The following CYB5R4 variants were observed in gnomAD, a reference collection of about 807,000 sequenced individuals.
The protein encoded by CYB5R4 is cytochrome b5 reductase 4.
Under a neutral mutation model 70.2 loss-of-function variants are expected in CYB5R4, and 55 were observed. That is an observed-to-expected ratio of 0.78 (90% CI 0.63 to 0.98). The LOEUF is 0.98. Among genes scored for constraint, CYB5R4 ranks in the 50% least tolerant of loss-of-function variants. The pLI is 0.00. For synonymous variants in CYB5R4, 197 were observed against 199.5 expected, an observed-to-expected ratio of 0.99 and a Z score of 0.11; for missense variants, 562 against 612.6, an observed-to-expected ratio of 0.92 and a Z score of 0.87.
At chr6:83,940,854 T>G (rs1348213613) in intron 14 of CYB5R4, among the ~76,000 whole-genome samples, 1 of 152,160 alleles carries the variant, frequency 6.6e-6, no homozygotes, top group African/African-American at 2.4e-5. Context: ...TGTTATGTGA[T>G]TTATACTGAG....
chr6:83,874,929 TCTC>T (rs1340869220), intron 2 of CYB5R4, among the ~76,000 whole-genome samples: 3 of 152,082 alleles, frequency 2.0e-5, no homozygotes, highest in Admixed American at 1.3e-4. Context: ...TTCAAACAAT[TCTC>T]CTGCCTCAGC....
intron 4 of CYB5R4, chr6:83,910,034 C>T (rs749582042): frequency 6.2e-6 from 10 of 1,611,840 alleles, no homozygotes; most frequent in Middle Eastern, 1.7e-4. Context: ...TAAGCTGGTA[C>T]GCATGCATTG....
intron 12 of CYB5R4, among the ~76,000 whole-genome samples, chr6:83,939,650 G>A (rs1211690104): frequency 1.3e-5 from 2 of 152,090 alleles, no homozygotes; most frequent in Non-Finnish European, 2.9e-5. Context: ...TCTTTACTCT[G>A]TACCAGGTAA....
intron 2 of CYB5R4, among the ~76,000 whole-genome samples, chr6:83,873,231 CCTT>C (rs1234619231): frequency 1.8e-3 from 260 of 147,338 alleles, no homozygotes; most frequent in Non-Finnish European, 2.7e-3. Flanking sequence ...TATAGGGTAT[CCTT>C]CTTTTTTTTT....
Position 83,943,174 on chromosome 6 carries a change from C to G in CYB5R4, c.1346+2573C>G, listed in dbSNP as rs890094321. Among the ~76,000 whole-genome samples, 3 of 152,248 alleles carry G rather than the reference C, an allele frequency of 2.0e-5. No individual in the cohort carries two copies. The East Asian group carries it at 5.8e-4, about 29-fold the overall frequency. On this transcript the variant is annotated intron_variant, in intron 14 of 15. Transcript: ENST00000369681. ...ACCTGAGCCTCCTGACGGGGAGACA[C>G]CCCCCAGCAGGGGTCAACAGACACC...
rs1294652635 is a variant in CYB5R4, at chr6:83,960,541, C to G, written c.*663C>G. 6.6e-6 allele frequency: 1 copy of G among 152,148 alleles called. No individual in the cohort carries two copies. Among genetic ancestry groups the G allele is most frequent in the East Asian group, 1.9e-4 (1 of 5,200 alleles). The allele number at this position is 152,148 out of a possible 1,614,324, so 9.4% of individuals were successfully genotyped here. On this transcript the variant is annotated 3_prime_UTR_variant, in exon 16 of 16. Transcript: ENST00000369681. ...GACATGACACACATGCGCCTTTGGA[C>G]TAGGTGTGTTAACAGAGCTTGAGAG...
At chr6:83,951,311 G>T (rs2099471481) in intron 14 of CYB5R4, among the ~76,000 whole-genome samples, 1 of 152,160 alleles carries the variant, frequency 6.6e-6, no homozygotes, top group South Asian at 2.1e-4. Flanking sequence ...TATACTTTAA[G>T]TTCTGGGATA....
At chr6:83,864,420 ATTGACAAT>A in intron 2 of CYB5R4, 92 bp downstream of exon 2, 2 of 1,206,430 alleles carry the variant, frequency 1.7e-6, no homozygotes, top group Non-Finnish European at 2.3e-6. Context: ...ATTTTAAACA[ATTGACAAT>A]TTAACAAAAA....
At chr6:83,958,208 T>G (rs2099472737) in intron 15 of CYB5R4, among the ~76,000 whole-genome samples, 1 of 152,204 alleles carries the variant, frequency 6.6e-6, no homozygotes, top group Non-Finnish European at 1.5e-5. Flanking sequence ...CAATAATGGT[T>G]CTTTATCCAT....
At chr6:83,884,752 T>C (rs2099459989) in intron 2 of CYB5R4, among the ~76,000 whole-genome samples, 1 of 152,168 alleles carries the variant, frequency 6.6e-6, no homozygotes, top group Non-Finnish European at 1.5e-5. Context: ...TCGTTTATTT[T>C]ATAGACAGGA....
In CYB5R4 at chr6:83,910,027, G is replaced by A. The variant is rs2099464434; in HGVS notation, c.412+937G>A. 4.3e-6 allele frequency: 7 copies of A among 1,611,434 alleles called. No individual in the cohort carries two copies. In the Admixed American group the frequency reaches 6.7e-5, roughly 15 times the overall value. ...GGTATTAGTGGCACATACATGTTAA[G>A]CTGGTACGCATGCATTGGACAGCTC... On this transcript the variant is annotated intron_variant, in intron 4 of 15. Transcript: ENST00000369681.
chr6:83,897,641 G>C (rs555689525), intron 3 of CYB5R4, among the ~76,000 whole-genome samples: 1 of 152,280 alleles, frequency 6.6e-6, no homozygotes, highest in African/African-American at 2.4e-5. Flanking sequence ...TTTCTCTGAT[G>C]GCCAGTGATG....
In CYB5R4 at chr6:83,961,356, G is replaced by A. The variant is rs1438668864; in HGVS notation, c.*1478G>A. 1.3e-5 allele frequency: 2 copies of A among 151,774 alleles called. No individual in the cohort carries two copies. The highest frequency in any genetic ancestry group is 2.9e-5 in the Non-Finnish European group (2 of 67,990). 9.4% of individuals were successfully genotyped at this position (151,774 alleles called of 1,614,324 possible). Reference sequence around the variant, plus strand: ...TCTAAGGGTGAGGTGATTTGGCTCTGTGTCCTCACCCAAATCTCCTCTCAA... The same window carrying A: ...TCTAAGGGTGAGGTGATTTGGCTCTATGTCCTCACCCAAATCTCCTCTCAA... On this transcript the variant is annotated 3_prime_UTR_variant, in exon 16 of 16. Transcript: ENST00000369681.
chr6:83,940,019 T>G (rs749126967), intron 12 of CYB5R4, 37 bp from the exon 13 acceptor site: 6 of 1,461,024 alleles, frequency 4.1e-6, no homozygotes, highest in Non-Finnish European at 5.5e-6. Context: ...TTTTTTGTTT[T>G]TTTTTTTTCT....
intron 4 of CYB5R4, among the ~76,000 whole-genome samples, chr6:83,911,801 T>C (rs149085805): frequency 1.1e-3 from 163 of 152,090 alleles, no homozygotes; most frequent in African/African-American, 3.8e-3. Context: ...CCCAGCACTT[T>C]GGGATGCCAA....
intron 2 of CYB5R4, among the ~76,000 whole-genome samples, chr6:83,880,332 G>A (rs2099459247): frequency 6.6e-6 from 1 of 152,140 alleles, no homozygotes; most frequent in South Asian, 2.1e-4. Flanking sequence ...AGCCAAGAGC[G>A]GAAGGACTCA....
chr6:83,928,501 A>G (rs1218514822), intron 10 of CYB5R4, among the ~76,000 whole-genome samples: 1 of 147,812 alleles, frequency 6.8e-6, no homozygotes, highest in Non-Finnish European at 1.5e-5. Flanking sequence ...TGGCTTTCAG[A>G]AAAAAAAAAC....
At chr6:83,866,557 G>A (rs752085578) in intron 2 of CYB5R4, among the ~76,000 whole-genome samples, 35 of 151,646 alleles carry the variant, frequency 2.3e-4, no homozygotes, top group Non-Finnish European at 4.6e-4. Flanking sequence ...CATATCCTCT[G>A]TAATGATTTG....
At chr6:83,891,198 C>T (rs1415503676) in intron 2 of CYB5R4, among the ~76,000 whole-genome samples, 2 of 152,044 alleles carry the variant, frequency 1.3e-5, no homozygotes, top group African/African-American at 4.8e-5. Flanking sequence ...CCTCCTGCCT[C>T]GGCCTCCCAA....
Sources: gnomAD v4.1 joint callset for allele counts (sites outside exome capture counted in the v4.1 genomes callset) on GRCh38, gnomAD v4.1.1 for gene constraint, MANE v1.5 for transcripts, NCBI Gene and HGNC (gene_info 2026-07-23, HGNC 2026-07-21) for gene names.